TRIP11: variants seen among roughly 807,000 people sequenced by gnomAD.
The protein encoded by TRIP11 is thyroid receptor-interacting protein 11.
In TRIP11, 148 loss-of-function variants were observed where a neutral mutation model predicts 223.1. That is an observed-to-expected ratio of 0.66 (90% CI 0.58 to 0.76). TRIP11 has a LOEUF of 0.76. Among genes scored for constraint, TRIP11 ranks in the 30% least tolerant of loss-of-function variants. The pLI is 0.00. For synonymous variants in TRIP11, 762 were observed against 772.6 expected (o/e 0.99, Z 0.23); for missense variants, 2,043 against 2,222.0 (o/e 0.92, Z 1.62).
At chr14:91,988,166 T>C in intron 16 of TRIP11, 118 bp downstream of exon 16, 1 of 751,006 alleles carries the variant, frequency 1.3e-6, no homozygotes, top group South Asian at 1.6e-5. Flanking sequence ...AAGATACAAA[T>C]GGAAGTCACA....
intron 9 of TRIP11, among the ~76,000 whole-genome samples, chr14:92,010,692 G>GTA (rs1017730956): frequency 2.6e-5 from 4 of 151,914 alleles, no homozygotes; most frequent in Admixed American, 2.6e-4. Context: ...ACCTACCTGT[G>GTA]TATGTTCCTG....
chr14:92,004,708 G>A lies in TRIP11; in HGVS notation c.3268C>T (p.Gln1090Ter). ...HTQDVVYLQQQLQAYAMEREK... is the reference protein window; with the variant it reads ...HTQDVVYLQQ ...CTTTCCATAGCATAAGCCTGCAGTT[G>A]CTGTTGAAGGTAAACAACATCTTGA... Residue 1090 changes from glutamine to a stop codon, truncating the protein, a stop_gained, in exon 11 of 21, where the codon CAA (glutamine) becomes TAA (stop). Transcript: ENST00000267622. LOFTEE classifies it high-confidence loss of function. 3.1e-6 allele frequency: 5 copies of A among 1,614,128 alleles called. No individual in the cohort carries two copies. Among genetic ancestry groups the A allele is most frequent in the Non-Finnish European group, 4.2e-6 (5 of 1,180,018 alleles).
At chr14:92,011,684 T>A (rs1047483235) in intron 8 of TRIP11, 71 bp downstream of exon 8, 1 of 1,274,874 alleles carries the variant, frequency 7.8e-7, no homozygotes, top group Non-Finnish European at 1.1e-6. Flanking sequence ...AAATTAAAAC[T>A]CATTTCTCAC....
chr14:92,024,534 C>T (rs2057156991), intron 3 of TRIP11, among the ~76,000 whole-genome samples: 1 of 152,062 alleles, frequency 6.6e-6, no homozygotes, highest in African/African-American at 2.4e-5. Flanking sequence ...CTTTAACGTG[C>T]TATACTTTTA....
At chr14:92,039,377 T>A (rs1348701098) in intron 1 of TRIP11, among the ~76,000 whole-genome samples, 170 bp downstream of exon 1, 1 of 152,144 alleles carries the variant, frequency 6.6e-6, no homozygotes, top group Non-Finnish European at 1.5e-5. Flanking sequence ...CAGTGGTCTT[T>A]CATCATAGAA....
chr14:92,003,594 A>G lies in TRIP11; in HGVS notation c.4382T>C (p.Leu1461Pro). 6.2e-7 allele frequency: 1 copy of G among 1,613,912 alleles called. No homozygotes were observed. The highest frequency in any genetic ancestry group is 8.5e-7 in the Non-Finnish European group (1 of 1,179,972). ...ILILEMDIGK[L>P]KGENEKIVET... The stretch of plus-strand genomic sequence containing the variant: ...CACTATTTTTTCATTTTCTCCTTTT[A>G]GTTTGCCAATGTCCATCTCTAGAAT... The change falls in exon 11 of 21, where the codon CTA becomes CCA. Residue 1461 changes from leucine (L) to proline (P), a missense_variant. Leu to Pro is a moderately conservative substitution (Grantham distance 98). Transcript: ENST00000267622.
In TRIP11 at chr14:92,012,846, C is replaced by T. The variant is rs920525886; in HGVS notation, c.1187-1051G>A. ...TAACTAAGAAATTTAAACATCATCCCGAAGTTCACAGGCAGCTATAAAGTA... is the reference window on the plus strand; with the variant it reads ...TAACTAAGAAATTTAAACATCATCCTGAAGTTCACAGGCAGCTATAAAGTA... On this transcript the variant is annotated intron_variant, in intron 7 of 20. Coordinates refer to ENST00000267622, the MANE Select transcript of TRIP11 (RefSeq NM_004239.4). 4.6e-5 allele frequency among the ~76,000 whole-genome samples: 7 copies of T among 152,184 alleles called. No homozygotes were observed. In the East Asian group the frequency reaches 9.7e-4, roughly 21 times the overall value.
In TRIP11 at chr14:92,037,626, C is replaced by A. The variant is rs1008285252; in HGVS notation, c.139+1921G>T. On this transcript the variant is annotated intron_variant, in intron 1 of 20. Transcript: ENST00000267622. The surrounding 1 kb of genome is among the most constrained non-coding windows in gnomAD (Gnocchi z 4.2). ...CGGTGGCTCACGCCTGTAATCCCAG[C>A]ACTCTGGGAGGCCAAGGCAGGAGGA... 1.3e-5 allele frequency among the ~76,000 whole-genome samples: 2 copies of A among 152,238 alleles called. No individual in the cohort carries two copies. The highest frequency in any genetic ancestry group is 2.1e-4 in the South Asian group (1 of 4,836).
chr14:91,972,907 T>A, intron 19 of TRIP11, 46 bp from the exon 20 acceptor site: 1 of 1,474,416 alleles, frequency 6.8e-7, no homozygotes, highest in East Asian at 2.3e-5. Flanking sequence ...AATTAAGTTA[T>A]ATTCACTACA....
chr14:92,001,716 C>G (rs73341768), intron 11 of TRIP11, among the ~76,000 whole-genome samples: 150 of 152,288 alleles, frequency 9.8e-4, no homozygotes, highest in African/African-American at 3.6e-3. Flanking sequence ...TCCAAAATAT[C>G]TATAAATGAC....
At chr14:92,001,679 G>T (rs866092803) in intron 11 of TRIP11, among the ~76,000 whole-genome samples, 1 of 152,104 alleles carries the variant, frequency 6.6e-6, no homozygotes, top group Non-Finnish European at 1.5e-5. Context: ...CAATGAAATA[G>T]AACTAAATTG....
At chr14:92,013,014 A>G (rs546068956) in intron 7 of TRIP11, among the ~76,000 whole-genome samples, 178 of 152,350 alleles carry the variant, frequency 1.2e-3, no homozygotes, top group African/African-American at 4.2e-3. Flanking sequence ...CACGCCTGTA[A>G]TCCCAGCACT....
chr14:91,995,601 C>G (rs1372032626), intron 13 of TRIP11, 86 bp from the exon 14 acceptor site: 1 of 1,304,066 alleles, frequency 7.7e-7, no homozygotes, highest in African/African-American at 1.6e-5. Flanking sequence ...CATCTTATTA[C>G]TTTATTTTAT....
chr14:92,007,280 T>A (rs1337709650), intron 10 of TRIP11, among the ~76,000 whole-genome samples: 1 of 152,124 alleles, frequency 6.6e-6, no homozygotes, highest in Non-Finnish European at 1.5e-5. Flanking sequence ...CGTCTCTGCC[T>A]CCCAAAGTGC....
intron 16 of TRIP11, among the ~76,000 whole-genome samples, chr14:91,976,873 C>G (rs754899509): frequency 6.6e-6 from 1 of 152,154 alleles, no homozygotes; most frequent in African/African-American, 2.4e-5. Context: ...GTATTAAAGG[C>G]AAAGTCTAGA....
At position 92,007,688 on chromosome 14, in the gene TRIP11, C is replaced by T. The variant is rs746459330; in HGVS notation, c.1479G>A (p.Leu493=). Residue 493 remains leucine (L), a synonymous_variant, in exon 10 of 21, where the codon CTG becomes CTA. Transcript: ENST00000267622. The part of the protein sequence containing the change: ...LNQSISEKET[L]IAEIEELDRQ... ...TGTCCAATTCTTCTATCTCAGCTAT[C>T]AGTGTTTCCTTTTCACTAATACTCT... The T allele has an allele frequency of 6.2e-7, 1 of 1,613,632 alleles. No homozygotes were observed. The highest frequency in any genetic ancestry group is 2.2e-5 in the East Asian group (1 of 44,812).
At chr14:91,990,578 T>G in intron 15 of TRIP11, among the ~76,000 whole-genome samples, 1 of 152,228 alleles carries the variant, frequency 6.6e-6, no homozygotes, top group Non-Finnish European at 1.5e-5. Flanking sequence ...GGAGGATTGC[T>G]TGAGTCCAGA....
intron 2 of TRIP11, 30 bp from the exon 3 acceptor site, chr14:92,025,450 G>C: frequency 2.3e-5 from 35 of 1,507,752 alleles, no homozygotes; most frequent in Non-Finnish European, 3.1e-5. Context: ...TCAACAAAAA[G>C]ACTGCAAGTA....
chr14:91,976,276 T>C (rs1258914470), intron 16 of TRIP11, 87 bp from the exon 17 acceptor site: 1 of 1,084,630 alleles, frequency 9.2e-7, no homozygotes, highest in African/African-American at 1.6e-5. Context: ...AGATCTTTAT[T>C]ATAACCTCTG....
Sources: allele counts gnomAD v4.1 joint callset (sites outside exome capture counted in the v4.1 genomes callset), GRCh38; gene constraint gnomAD v4.1.1; non-coding constraint Gnocchi (gnomAD v3.1); transcripts MANE v1.5; gene names NCBI Gene and HGNC (gene_info 2026-07-23, HGNC 2026-07-21).